Variants in NCOA2 observed in about 807,000 individuals in gnomAD.
The protein encoded by NCOA2 is class E basic helix-loop-helix protein 75.
NCOA2 carries 21 observed loss-of-function variants against 145.1 expected under a neutral mutation model. That is an observed-to-expected ratio of 0.14 (90% CI 0.10 to 0.21). The LOEUF is 0.21. NCOA2 is among the 10% of genes least tolerant of loss of function. NCOA2 has a pLI of 1.00. For synonymous variants in NCOA2, 619 were observed against 637.5 expected (o/e 0.97, Z 0.44); for missense variants, 1,472 against 1,837.6 (o/e 0.80, Z 3.64).
chr8:70,343,088 T>C (rs1808296195), intron 1 of NCOA2, among the ~76,000 whole-genome samples: 1 of 152,182 alleles, frequency 6.6e-6, no homozygotes, highest in South Asian at 2.1e-4. Flanking sequence ...ATTTCAACAG[T>C]CATTGCAAAT....
intron 1 of NCOA2, among the ~76,000 whole-genome samples, chr8:70,334,131 T>C (rs796864840): frequency 6.6e-6 from 1 of 152,206 alleles, no homozygotes; most frequent in African/African-American, 2.4e-5. Context: ...CTCAATCAAA[T>C]TTTAACCCCT....
intron 1 of NCOA2, among the ~76,000 whole-genome samples, chr8:70,298,219 A>G (rs1827227172): frequency 6.6e-6 from 1 of 152,220 alleles, no homozygotes; most frequent in Non-Finnish European, 1.5e-5. Context: ...ACAAGTTAAC[A>G]TCAATTTAAT....
chr8:70,451,217 C>CAAAAAAAAA, the NCOA2 span, among the ~76,000 whole-genome samples: 3 of 65,334 alleles, frequency 4.6e-5, no homozygotes, highest in African/African-American at 7.2e-5. Context: ...GACTCCGTCT[C>CAAAAAAAAA]AAAAAAAAAA....
rs1406846414 is a variant in NCOA2 at position 70,178,354 on chromosome 8, AAAAATAAT to A, written c.260-3503_260-3496del. 3.9e-5 allele frequency among the ~76,000 whole-genome samples: 6 copies of A among 152,370 alleles called. No homozygotes were observed. In the East Asian group the frequency reaches 9.6e-4, roughly 24 times the overall value. On this transcript the variant is annotated intron_variant, in intron 4 of 22. Coordinates refer to ENST00000452400, the MANE Select transcript of NCOA2 (RefSeq NM_006540.4). ...GGAACAACTGGAGGAAAGCCTGGAT[AAAAATAAT>A]TATTACCCTGAAACATTACTTATAA...
chr8:70,420,516 AAGCG>A, the NCOA2 span, among the ~76,000 whole-genome samples: 1 of 152,208 alleles, frequency 6.6e-6, no homozygotes, highest in African/African-American at 2.4e-5. Context: ...CATGAAAATA[AAGCG>A]AGGTCTCTAA....
At chr8:70,118,907 C>CA (rs1807453128) in intron 22 of NCOA2, among the ~76,000 whole-genome samples, 1 of 152,088 alleles carries the variant, frequency 6.6e-6, no homozygotes, top group South Asian at 2.1e-4. Context: ...AGGCTAGTCT[C>CA]AAACTCTTGA....
chr8:70,112,205 A>T lies in NCOA2; in HGVS notation c.*1427T>A, dbSNP rs1806600460. 4.9e-6 allele frequency: 1 copy of T among 203,000 alleles called. No individual in the cohort carries two copies. Among genetic ancestry groups the T allele is most frequent in the Non-Finnish European group, 1.0e-5 (1 of 98,634 alleles). 12.6% of individuals were successfully genotyped at this position (203,000 alleles called of 1,614,324 possible). On this transcript the variant is annotated 3_prime_UTR_variant, in exon 23 of 23. Transcript: ENST00000452400. Reference sequence around the variant, plus strand: ...CAAGGTTTAGAAAATAAAAAGTCTTAAGTCTACAAATTAGGTCTAATCAAG... The same window carrying T: ...CAAGGTTTAGAAAATAAAAAGTCTTTAGTCTACAAATTAGGTCTAATCAAG...
At chr8:70,287,217 C>A (rs1248970707) in intron 2 of NCOA2, among the ~76,000 whole-genome samples, 1 of 152,024 alleles carries the variant, frequency 6.6e-6, no homozygotes, top group Non-Finnish European at 1.5e-5. Flanking sequence ...GCACTTCGGC[C>A]TGGGTGAAAG....
intron 1 of NCOA2, among the ~76,000 whole-genome samples, chr8:70,306,649 G>C (rs1368911361): frequency 3.3e-5 from 5 of 152,166 alleles, no homozygotes; most frequent in Non-Finnish European, 7.4e-5. Context: ...GGAGGCTGAG[G>C]TGGGAGGATT....
intron 2 of NCOA2, chr8:70,273,955 T>TA (rs1431833841): frequency 2.7e-6 from 1 of 373,996 alleles, no homozygotes; most frequent in African/African-American, 2.1e-5. Flanking sequence ...ATGGGTCTGA[T>TA]AAAATCTAGA....
chr8:70,121,430 G>T, intron 21 of NCOA2, 39 bp from the exon 22 acceptor site: 1 of 1,512,280 alleles, frequency 6.6e-7, no homozygotes, highest in Non-Finnish European at 9.1e-7. Context: ...ACGCAGAGCA[G>T]AATGTCCAAG....
chr8:70,242,349 C>CTT (rs1822210958), intron 2 of NCOA2, among the ~76,000 whole-genome samples: 1 of 152,064 alleles, frequency 6.6e-6, no homozygotes, highest in Non-Finnish European at 1.5e-5. Flanking sequence ...ACCATGTTAT[C>CTT]TTTAACATTA....
chr8:70,364,843 T>C (rs970321463), intron 1 of NCOA2, among the ~76,000 whole-genome samples: 2 of 150,868 alleles, frequency 1.3e-5, no homozygotes, highest in African/African-American at 5.0e-5. Flanking sequence ...TTTTTTTTTT[T>C]TCCCCCAGTC....
intron 1 of NCOA2, among the ~76,000 whole-genome samples, chr8:70,397,390 T>C (rs1414092951): frequency 3.3e-5 from 5 of 150,092 alleles, no homozygotes; most frequent in Non-Finnish European, 7.4e-5. Flanking sequence ...GAGGCAGAGG[T>C]TGCAGTGAGC....
intron 4 of NCOA2, among the ~76,000 whole-genome samples, chr8:70,178,996 T>C (rs1815174969): frequency 6.6e-6 from 1 of 152,168 alleles, no homozygotes; most frequent in African/African-American, 2.4e-5. Context: ...TGAAAGAAAA[T>C]TCCAAATGAC....
chr8:70,219,694 G>C (rs557583198), intron 2 of NCOA2, among the ~76,000 whole-genome samples: 14 of 152,110 alleles, frequency 9.2e-5, no homozygotes, highest in African/African-American at 2.9e-4. Flanking sequence ...GGGTGGAGGG[G>C]GGGCAGACAG....
At chr8:70,278,099 T>C (rs1007737572) in intron 2 of NCOA2, among the ~76,000 whole-genome samples, 3 of 152,216 alleles carry the variant, frequency 2.0e-5, no homozygotes, top group Admixed American at 6.5e-5. Flanking sequence ...CAACCATTAA[T>C]CTACCTTCTA....
intron 2 of NCOA2, among the ~76,000 whole-genome samples, chr8:70,249,016 C>G (rs1414351618): frequency 1.3e-5 from 2 of 151,940 alleles, no homozygotes; most frequent in East Asian, 3.8e-4. Flanking sequence ...TCTCCACCCC[C>G]CGGATGGACA....
At chr8:70,386,157 A>G (rs768872877) in intron 1 of NCOA2, among the ~76,000 whole-genome samples, 2 of 152,206 alleles carry the variant, frequency 1.3e-5, no homozygotes, top group East Asian at 3.8e-4. Flanking sequence ...GTTCCCCACT[A>G]TATCTATCAA....
Sources: allele counts gnomAD v4.1 joint callset (sites outside exome capture counted in the v4.1 genomes callset), GRCh38; gene constraint gnomAD v4.1.1; transcripts MANE v1.5; gene names NCBI Gene and HGNC (gene_info 2026-07-23, HGNC 2026-07-21).